Variants in SLIT1 observed in about 807,000 individuals in gnomAD.
The protein encoded by SLIT1 is slit homolog 1 protein.
Under a neutral mutation model 186.1 loss-of-function variants are expected in SLIT1, and 66 were observed. The observed-to-expected ratio is 0.35, with a 90% CI of 0.29 to 0.44. SLIT1 has a LOEUF of 0.44. Ranked by LOEUF, SLIT1 falls within the 20% of genes least tolerant of loss-of-function variation. The probability of loss-of-function intolerance (pLI) is 1.00; values close to 1 mark genes in which losing one functional copy is unlikely to be tolerated. For synonymous variants in SLIT1, 761 were observed against 833.8 expected, an observed-to-expected ratio of 0.91 and a Z score of 1.50; for missense variants, 1,638 against 2,037.4, an observed-to-expected ratio of 0.80 and a Z score of 3.77.
intron 10 of SLIT1, among the ~76,000 whole-genome samples, chr10:97,059,837 C>T (rs1015666226): frequency 5.9e-5 from 9 of 152,168 alleles, no homozygotes; most frequent in Non-Finnish European, 1.2e-4. Context: ...CAAGCTGAAA[C>T]GGGAGGATGA....
intron 13 of SLIT1, among the ~76,000 whole-genome samples, chr10:97,050,070 C>T (rs1326291693): frequency 2.0e-5 from 3 of 152,160 alleles, no homozygotes; most frequent in Non-Finnish European, 4.4e-5. Flanking sequence ...ATCGCTTGAA[C>T]CCAGGGAGCA....
At chr10:97,166,603 GAA>G (rs1850118363) in intron 1 of SLIT1, among the ~76,000 whole-genome samples, 5 of 68,334 alleles carry the variant, frequency 7.3e-5, no homozygotes, top group African/African-American at 1.1e-4. Context: ...AAGAAAGAAA[GAA>G]AGAAAGAAAG....
chr10:97,164,789 G>T (rs750944519), intron 2 of SLIT1, 30 bp downstream of exon 2: 3 of 1,542,514 alleles, frequency 1.9e-6, no homozygotes, highest in East Asian at 4.5e-5. Context: ...ATTGCCAGGG[G>T]TGGGGTGGGA....
chr10:97,134,136 C>A (rs372842090), intron 4 of SLIT1, among the ~76,000 whole-genome samples: 1 of 152,092 alleles, frequency 6.6e-6, no homozygotes, highest in Non-Finnish European at 1.5e-5. Flanking sequence ...GAGGCTGGGG[C>A]GGCCTCACTT....
chr10:97,144,059 G>T (rs777230801), intron 4 of SLIT1, among the ~76,000 whole-genome samples: 1 of 152,130 alleles, frequency 6.6e-6, no homozygotes, highest in South Asian at 2.1e-4. Flanking sequence ...TTAGCTGGGC[G>T]TGGTGGCGGG....
chr10:97,073,531 C>T (rs768401186), intron 4 of SLIT1, among the ~76,000 whole-genome samples: 10 of 152,120 alleles, frequency 6.6e-5, no homozygotes, highest in Admixed American at 3.3e-4. Context: ...AGGACAGTGA[C>T]GAGGGCACCA....
Position 97,004,486 on chromosome 10 carries a change from G to T in SLIT1, c.3710+207C>A, listed in dbSNP as rs1962437. 0.14 allele frequency among the ~76,000 whole-genome samples: 20,661 copies of T among 152,172 alleles called. 1,734 individuals are homozygous for T. Among genetic ancestry groups the T allele is most frequent in the East Asian group, 0.38 (1,964 of 5,156 alleles). ...ATTAAGGAGCCTCCTCTAAGGTGGT[G>T]GTGGGATGGGGAAGGATGGGGCCAC... On this transcript the variant is annotated intron_variant, in intron 33 of 36. Coordinates refer to ENST00000266058, the MANE Select transcript of SLIT1 (RefSeq NM_003061.3). This position sits in a 1 kb window ranked among gnomAD's most constrained non-coding sequence, Gnocchi z 5.1.
In SLIT1 at chr10:97,117,401, C is replaced by T. The variant is rs1849518682; in HGVS notation, c.413+40417G>A. On this transcript the variant is annotated intron_variant, in intron 4 of 36. Transcript: ENST00000266058. ...GCTTGGAAAATTTGCTCCAAACATACTCTCCATGTCGATATTTGCTTGATG... is the reference window on the plus strand; with the variant it reads ...GCTTGGAAAATTTGCTCCAAACATATTCTCCATGTCGATATTTGCTTGATG... Among the ~76,000 whole-genome samples, 8 of 152,284 alleles carry T rather than the reference C, an allele frequency of 5.3e-5. No individual in the cohort carries two copies. In the South Asian group the frequency reaches 1.7e-3, roughly 32 times the overall value.
At chr10:97,175,434 G>A (rs895257456) in intron 1 of SLIT1, among the ~76,000 whole-genome samples, 1 of 152,132 alleles carries the variant, frequency 6.6e-6, no homozygotes, top group African/African-American at 2.4e-5. Flanking sequence ...TGGGTCATAT[G>A]GTGATTCTAC....
chr10:97,158,962 G>A (rs898299428), intron 3 of SLIT1, among the ~76,000 whole-genome samples: 2 of 151,940 alleles, frequency 1.3e-5, no homozygotes, highest in African/African-American at 4.8e-5. Flanking sequence ...CTTGAGGCCA[G>A]GGGCTTCAGA....
chr10:97,019,253 A>G (rs1848482375), intron 26 of SLIT1, 146 bp from the exon 27 acceptor site: 1 of 614,696 alleles, frequency 1.6e-6, no homozygotes, highest in South Asian at 2.0e-5. Context: ...CTCCCCTTGC[A>G]CTGCCCACCT....
chr10:97,046,576 A>T, intron 18 of SLIT1, 78 bp downstream of exon 18: 2 of 1,420,648 alleles, frequency 1.4e-6, no homozygotes, highest in Non-Finnish European at 1.9e-6. Flanking sequence ...GGGCTCCTCC[A>T]GCCTCTCTCT....
chr10:97,146,307 T>C (rs1432119511), intron 4 of SLIT1, among the ~76,000 whole-genome samples: 2 of 152,198 alleles, frequency 1.3e-5, no homozygotes, highest in Non-Finnish European at 1.5e-5. Flanking sequence ...GGGAAGGGTC[T>C]AACTAGGAGG....
At chr10:97,059,593 C>G in intron 10 of SLIT1, 62 bp from the exon 11 acceptor site, 1 of 1,235,280 alleles carries the variant, frequency 8.1e-7, no homozygotes, top group Non-Finnish European at 1.2e-6. Context: ...AAGCCCTGCC[C>G]AGTCCCCTCC....
At position 97,104,181 on chromosome 10, in the gene SLIT1, T is replaced by A. The variant is rs180821579; in HGVS notation, c.414-38095A>T. On this transcript the variant is annotated intron_variant, in intron 4 of 36. Transcript: ENST00000266058. ...CAGGGAAGGCCTTTGATCAAAGACC[T>A]AAAGGAAGAAGGGAGTGAGCCCCAT... 2.0e-5 allele frequency among the ~76,000 whole-genome samples: 3 copies of A among 151,936 alleles called. No homozygotes were observed. In the East Asian group the frequency reaches 5.8e-4, roughly 29 times the overall value.
At chr10:97,056,261 G>A (rs1783167361) in intron 13 of SLIT1, 60 bp downstream of exon 13, 1 of 1,589,628 alleles carries the variant, frequency 6.3e-7, no homozygotes, top group African/African-American at 1.3e-5. Context: ...CCTGGAGGCT[G>A]CAACCTCCCC....
intron 25 of SLIT1, among the ~76,000 whole-genome samples, chr10:97,025,067 C>A (rs1487672036): frequency 6.6e-6 from 1 of 152,134 alleles, no homozygotes; most frequent in Non-Finnish European, 1.5e-5. Flanking sequence ...GTCAGGAGTT[C>A]AAGACCAGCC....
intron 30 of SLIT1, 66 bp from the exon 31 acceptor site, chr10:97,011,196 G>GCT: frequency 7.2e-6 from 8 of 1,117,020 alleles, no homozygotes; most frequent in Non-Finnish European, 9.5e-6. Flanking sequence ...CCAGGGGAGC[G>GCT]CACCAGGGAT....
At position 97,006,440 on chromosome 10, in the gene SLIT1, T is replaced by G; in HGVS notation, c.3579+43A>C. The G allele has an allele frequency of 6.9e-7, 1 of 1,443,348 alleles. No homozygotes were observed. Among genetic ancestry groups the G allele is most frequent in the East Asian group, 2.3e-5 (1 of 43,894 alleles). 89.4% of individuals were successfully genotyped at this position (1,443,348 alleles called of 1,614,324 possible). ...TGCTCTGGCCTAAGCCAGGGTCGCC[T>G]GCTCCCTGACTCCCCTCTGTGACCA... On this transcript the variant is annotated intron_variant, in intron 32 of 36. Coordinates refer to ENST00000266058, the MANE Select transcript of SLIT1 (RefSeq NM_003061.3). The surrounding 1 kb of genome is among the most constrained non-coding windows in gnomAD (Gnocchi z 4.0).
Sources: allele counts gnomAD v4.1 joint callset (sites outside exome capture counted in the v4.1 genomes callset), GRCh38; gene constraint gnomAD v4.1.1; non-coding constraint Gnocchi (gnomAD v3.1); transcripts MANE v1.5; gene names NCBI Gene and HGNC (gene_info 2026-07-23, HGNC 2026-07-21).